The following GPHN variants were observed in gnomAD, a reference collection of about 807,000 sequenced individuals.
The protein encoded by GPHN is gephyrin.
GPHN carries 17 observed loss-of-function variants against 95.5 expected under a neutral mutation model. The observed-to-expected ratio is 0.18, with a 90% CI of 0.12 to 0.27. GPHN has a LOEUF of 0.27. Among genes scored for constraint, GPHN ranks in the 10% least tolerant of loss-of-function variants. GPHN has a pLI of 1.00. For synonymous variants in GPHN, 320 were observed against 322.5 expected (o/e 0.99, Z 0.08); for missense variants, 660 against 978.1 (o/e 0.67, Z 4.34).
intron 2 of GPHN, among the ~76,000 whole-genome samples, chr14:66,694,404 A>C (rs1210971226): frequency 6.6e-6 from 1 of 152,218 alleles, no homozygotes. Flanking sequence ...ATAGCAGCTC[A>C]AATAGACTTA....
the GPHN span, among the ~76,000 whole-genome samples, chr14:67,399,717 G>A: frequency 1.6e-5 from 2 of 124,752 alleles, no homozygotes; most frequent in African/African-American, 7.3e-5. Context: ...AGAGAAGGGT[G>A]GTTTAGGTGG....
chr14:67,470,882 AG>A, the GPHN span: 3 of 152,468 alleles, frequency 2.0e-5, no homozygotes, highest in East Asian at 5.8e-4. Context: ...ACTCCCCACC[AG>A]CACCCTTAAT....
chr14:66,680,958 C>G lies in GPHN; in HGVS notation c.65-149C>G, dbSNP rs764979904. 6.6e-6 allele frequency: 4 copies of G among 604,736 alleles called. No individual in the cohort carries two copies. In the Admixed American group the frequency reaches 8.6e-5, roughly 13 times the overall value. 37.5% of individuals were successfully genotyped at this position (604,736 alleles called of 1,614,324 possible). ...TATTAATATTTGTTGCTAAATTCACCAGGCCTATAAATAAATCAATAGTAA... is the reference window on the plus strand; with the variant it reads ...TATTAATATTTGTTGCTAAATTCACGAGGCCTATAAATAAATCAATAGTAA... On this transcript the variant is annotated intron_variant, in intron 1 of 22. Coordinates refer to ENST00000478722, the MANE Select transcript of GPHN (RefSeq NM_020806.5).
the GPHN span, among the ~76,000 whole-genome samples, chr14:67,626,577 A>G: frequency 1.6e-4 from 24 of 152,144 alleles, no homozygotes; most frequent in African/African-American, 5.5e-4. Flanking sequence ...CAGTGGTGCA[A>G]TCTCGGCCTC....
At chr14:66,704,583 G>A (rs999373414) in intron 2 of GPHN, among the ~76,000 whole-genome samples, 1 of 151,988 alleles carries the variant, frequency 6.6e-6, no homozygotes, top group Non-Finnish European at 1.5e-5. Context: ...ATGAAATTAA[G>A]GCAGAATTCA....
At chr14:66,779,937 C>A (rs1417188054) in intron 3 of GPHN, among the ~76,000 whole-genome samples, 1 of 151,944 alleles carries the variant, frequency 6.6e-6, no homozygotes, top group Non-Finnish European at 1.5e-5. Context: ...TGGAAGGAGA[C>A]CAGGTTGCAG....
intron 8 of GPHN, among the ~76,000 whole-genome samples, chr14:66,935,660 T>TTATGTATACGTATACATGTGTTTA (rs2067087119): frequency 6.6e-6 from 1 of 151,614 alleles, no homozygotes; most frequent in Non-Finnish European, 1.5e-5. Context: ...ATACGTGTGT[T>TTATGTATACGTATACATGTGTTTA]TATGTATACG....
chr14:67,734,775 C>G, the GPHN span, among the ~76,000 whole-genome samples: 1 of 152,248 alleles, frequency 6.6e-6, no homozygotes, highest in African/African-American at 2.4e-5. Flanking sequence ...GACGGAGACA[C>G]TCTTCCCCTT....
chr14:67,200,048 G>T, the GPHN span: 2 of 936,984 alleles, frequency 2.1e-6, no homozygotes, highest in East Asian at 2.6e-5. Context: ...CCAGGCTCTG[G>T]GGGACAGCCA....
At chr14:66,753,640 C>A (rs1281300574) in intron 2 of GPHN, among the ~76,000 whole-genome samples, 1 of 151,868 alleles carries the variant, frequency 6.6e-6, no homozygotes, top group African/African-American at 2.4e-5. Context: ...TATTAGACTG[C>A]CTTAATGCAG....
At chr14:67,274,602 C>T in the GPHN span, among the ~76,000 whole-genome samples, 38 of 152,222 alleles carry the variant, frequency 2.5e-4, no homozygotes, top group Admixed American at 1.5e-3. Flanking sequence ...CTTGGCAATG[C>T]GGGCTCTTTT....
chr14:66,573,880 C>T (rs1166422000), intron 1 of GPHN, among the ~76,000 whole-genome samples: 2 of 152,134 alleles, frequency 1.3e-5, no homozygotes, highest in African/African-American at 4.8e-5. Flanking sequence ...TCACATTCAA[C>T]CAATTTGTGT....
chr14:67,420,931 C>A, the GPHN span, among the ~76,000 whole-genome samples: 1 of 152,206 alleles, frequency 6.6e-6, no homozygotes, highest in Non-Finnish European at 1.5e-5. Flanking sequence ...TGGTAAAGTA[C>A]AGATCTGATT....
At chr14:66,568,105 T>G (rs970874187) in intron 1 of GPHN, among the ~76,000 whole-genome samples, 1 of 152,236 alleles carries the variant, frequency 6.6e-6, no homozygotes, top group Non-Finnish European at 1.5e-5. Context: ...GAAGTACTTT[T>G]ATTTCACATT....
chr14:66,699,730 T>C (rs1303568943), intron 2 of GPHN, among the ~76,000 whole-genome samples: 1 of 152,174 alleles, frequency 6.6e-6, no homozygotes, highest in East Asian at 1.9e-4. Context: ...TTTGTATAAA[T>C]GATGGAATTA....
chr14:66,526,538 T>G (rs7146209), intron 1 of GPHN, among the ~76,000 whole-genome samples: 51,985 of 151,996 alleles, frequency 0.34, 13,423 homozygotes, highest in African/African-American at 0.7. Flanking sequence ...TGTGAGAGAG[T>G]GCATCCTTGT....
chr14:67,031,509 A>G (rs938659025), intron 10 of GPHN, among the ~76,000 whole-genome samples: 1 of 152,162 alleles, frequency 6.6e-6, no homozygotes, highest in Non-Finnish European at 1.5e-5. Context: ...ATTTATAAGC[A>G]CTATTTTTCT....
At chr14:66,750,051 T>A (rs1435118211) in intron 2 of GPHN, among the ~76,000 whole-genome samples, 1 of 151,920 alleles carries the variant, frequency 6.6e-6, no homozygotes, top group Non-Finnish European at 1.5e-5. Context: ...CTGTTGACTA[T>A]AGTCACCCAG....
the GPHN span, among the ~76,000 whole-genome samples, chr14:67,654,521 G>A: frequency 6.6e-6 from 1 of 152,104 alleles, no homozygotes; most frequent in East Asian, 1.9e-4. Flanking sequence ...ATTCTCCATA[G>A]CTTGCCTTGA....
Sources: allele counts gnomAD v4.1 joint callset (sites outside exome capture counted in the v4.1 genomes callset), GRCh38; gene constraint gnomAD v4.1.1; transcripts MANE v1.5; gene names NCBI Gene and HGNC (gene_info 2026-07-23, HGNC 2026-07-21).